ENTREP2: variants seen among roughly 807,000 people sequenced by gnomAD.
ENTREP2 encodes the protein protein ENTREP2.
the ENTREP2 span, among the ~76,000 whole-genome samples, chr15:29,556,414 G>A: frequency 3.3e-5 from 5 of 152,166 alleles, no homozygotes; most frequent in Non-Finnish European, 7.3e-5. Flanking sequence ...AGAGATTAAA[G>A]AATTAGGCAG....
chr15:29,343,097 G>A, the ENTREP2 span, among the ~76,000 whole-genome samples: 1 of 151,646 alleles, frequency 6.6e-6, no homozygotes, highest in African/African-American at 2.4e-5. Flanking sequence ...AAAAGCGAAG[G>A]TACATATTCT....
chr15:29,236,448 C>T, the ENTREP2 span, among the ~76,000 whole-genome samples: 1 of 152,000 alleles, frequency 6.6e-6, no homozygotes, highest in Admixed American at 6.6e-5. Context: ...GAGTTCAAGA[C>T]CAGCCTGGGC....
the ENTREP2 span, among the ~76,000 whole-genome samples, chr15:29,662,211 C>CAAAAAAAAAAAAAAAAA: frequency 4.0e-3 from 184 of 46,550 alleles, no homozygotes; most frequent in Non-Finnish European, 4.6e-3. Flanking sequence ...AACCCTGTCG[C>CAAAAAAAAAAAAAAAAA]AAAAAAAAAA....
the ENTREP2 span, among the ~76,000 whole-genome samples, chr15:29,255,456 G>A: frequency 2.0e-4 from 30 of 152,242 alleles, no homozygotes; most frequent in Non-Finnish European, 3.7e-4. Flanking sequence ...GGAAAGCAAT[G>A]TGGAGATTTC....
chr15:29,347,468 G>A, the ENTREP2 span, among the ~76,000 whole-genome samples: 5 of 151,994 alleles, frequency 3.3e-5, no homozygotes, highest in Admixed American at 2.0e-4. Flanking sequence ...ACCACGCTGA[G>A]CCTATGGCAT....
At chr15:29,363,590 T>TAA in the ENTREP2 span, among the ~76,000 whole-genome samples, 456 of 152,134 alleles carry the variant, frequency 3.0e-3, 4 homozygotes, top group African/African-American at 0.01. Flanking sequence ...GAGAGAGAAA[T>TAA]AAAAAAACCA....
At chr15:29,126,858 G>C in the ENTREP2 span, among the ~76,000 whole-genome samples, 1 of 152,302 alleles carries the variant, frequency 6.6e-6, no homozygotes, top group East Asian at 1.9e-4. Flanking sequence ...CGGCAGGCCA[G>C]ATCTCAGGCC....
the ENTREP2 span, among the ~76,000 whole-genome samples, chr15:29,416,644 A>T: frequency 3.3e-5 from 5 of 152,146 alleles, no homozygotes; most frequent in Admixed American, 1.3e-4. Context: ...AAAATTGACA[A>T]ATGGGATCTA....
the ENTREP2 span, among the ~76,000 whole-genome samples, chr15:29,362,092 G>A: frequency 9.8e-3 from 1,488 of 152,194 alleles, 40 homozygotes; most frequent in African/African-American, 0.034. Context: ...ACATCCCAGG[G>A]CTTCTGAGCT....
the ENTREP2 span, among the ~76,000 whole-genome samples, chr15:29,561,999 A>G: frequency 2.0e-5 from 3 of 152,244 alleles, no homozygotes; most frequent in African/African-American, 7.2e-5. Context: ...ACGCCTCCTG[A>G]TGCGATGCAC....
At chr15:29,413,768 GACAC>G in the ENTREP2 span, among the ~76,000 whole-genome samples, 1 of 152,078 alleles carries the variant, frequency 6.6e-6, no homozygotes, top group African/African-American at 2.4e-5. Flanking sequence ...GGTAAGGAGA[GACAC>G]ACATAGGCTC....
chr15:29,424,689 C>G, the ENTREP2 span, among the ~76,000 whole-genome samples: 1 of 152,178 alleles, frequency 6.6e-6, no homozygotes. Context: ...AACCATGAGG[C>G]AGAGGAGACA....
the ENTREP2 span, among the ~76,000 whole-genome samples, chr15:29,444,646 T>A: frequency 6.6e-6 from 1 of 152,134 alleles, no homozygotes; most frequent in Non-Finnish European, 1.5e-5. Flanking sequence ...TTTGTATTTT[T>A]AGTAGAGACG....
the ENTREP2 span, among the ~76,000 whole-genome samples, chr15:29,285,007 G>C: frequency 6.6e-6 from 1 of 152,198 alleles, no homozygotes; most frequent in East Asian, 1.9e-4. Flanking sequence ...GAGAAGACAA[G>C]GGCGAAGGAG....
chr15:29,470,807 T>C, the ENTREP2 span, among the ~76,000 whole-genome samples: 29 of 152,336 alleles, frequency 1.9e-4, no homozygotes, highest in East Asian at 2.1e-3. Context: ...TTGATTCTCT[T>C]CCTAGATTAA....
the ENTREP2 span, among the ~76,000 whole-genome samples, chr15:29,619,742 G>A: frequency 6.6e-6 from 1 of 152,070 alleles, no homozygotes; most frequent in Non-Finnish European, 1.5e-5. Context: ...AGAGGCTACG[G>A]ATTTCCTGAC....
chr15:29,569,080 T>C, the ENTREP2 span, among the ~76,000 whole-genome samples: 1 of 152,154 alleles, frequency 6.6e-6, no homozygotes, highest in Non-Finnish European at 1.5e-5. Context: ...GCATATTAAA[T>C]AATGGTAAAA....
At chr15:29,546,886 CA>C in the ENTREP2 span, among the ~76,000 whole-genome samples, 5 of 43,342 alleles carry the variant, frequency 1.2e-4, 1 homozygote, top group East Asian at 6.9e-4. Flanking sequence ...GACTCCATCT[CA>C]AAAAAAAAAA....
chr15:29,220,111 CCCTGGCCACCTG>C, the ENTREP2 span, among the ~76,000 whole-genome samples: 1 of 152,186 alleles, frequency 6.6e-6, no homozygotes, highest in East Asian at 1.9e-4. Context: ...ATGGCAGCAG[CCCTGGCCACCTG>C]CCTGATTTCT....
Sources: allele counts gnomAD v4.1 joint callset (sites outside exome capture counted in the v4.1 genomes callset), GRCh38; gene constraint gnomAD v4.1.1; transcripts MANE v1.5; gene names NCBI Gene and HGNC (gene_info 2026-07-23, HGNC 2026-07-21).